The following ADGRA3 variants were observed in gnomAD, a reference collection of about 807,000 sequenced individuals.
ADGRA3 encodes G-protein coupled receptor 125.
In ADGRA3, 56 loss-of-function variants were observed where a neutral mutation model predicts 119.8. That is an observed-to-expected ratio of 0.47 (90% CI 0.38 to 0.58). The LOEUF (loss-of-function observed/expected upper bound fraction) is 0.58, where lower values mean the gene tolerates loss of function less well. Ranked by LOEUF, ADGRA3 falls within the 20% of genes least tolerant of loss-of-function variation. The pLI is 0.00. For missense variants in ADGRA3, 1,516 were observed against 1,649.0 expected, an observed-to-expected ratio of 0.92 and a Z score of 1.40; for synonymous variants, 607 against 623.8, an observed-to-expected ratio of 0.97 and a Z score of 0.40.
chr4:22,437,936 TAACCTGTTTGA>T (rs1454153502), intron 8 of ADGRA3, among the ~76,000 whole-genome samples: 1 of 152,206 alleles, frequency 6.6e-6, no homozygotes, highest in Non-Finnish European at 1.5e-5. Context: ...ATACCTTACT[TAACCTGTTTGA>T]ATTTTGTACT....
At chr4:22,488,428 A>G (rs1718510806) in intron 1 of ADGRA3, among the ~76,000 whole-genome samples, 1 of 151,812 alleles carries the variant, frequency 6.6e-6, no homozygotes, top group Non-Finnish European at 1.5e-5. Flanking sequence ...TGGAGATCTG[A>G]CATCATTTAA....
chr4:22,507,878 T>C (rs960373306), intron 1 of ADGRA3, among the ~76,000 whole-genome samples: 5 of 152,176 alleles, frequency 3.3e-5, no homozygotes, highest in Non-Finnish European at 7.3e-5. Context: ...TGCAGATAGA[T>C]TGAATATACC....
intron 14 of ADGRA3, among the ~76,000 whole-genome samples, chr4:22,404,694 C>T (rs562765747): frequency 2.0e-5 from 3 of 152,272 alleles, no homozygotes; most frequent in East Asian, 3.9e-4. Flanking sequence ...CAGAGAAAAG[C>T]GTGTCAGGAC....
chr4:22,414,905 G>T (rs1446108142), intron 12 of ADGRA3, among the ~76,000 whole-genome samples: 3 of 152,088 alleles, frequency 2.0e-5, no homozygotes, highest in African/African-American at 7.2e-5. Context: ...ACGGAAAGTG[G>T]ATTAGAATGA....
At chr4:22,478,648 A>G (rs1718139108) in intron 1 of ADGRA3, among the ~76,000 whole-genome samples, 1 of 152,284 alleles carries the variant, frequency 6.6e-6, no homozygotes, top group Admixed American at 6.5e-5. Flanking sequence ...GTTTAGAAAA[A>G]AAGTGTTTGT....
intron 1 of ADGRA3, among the ~76,000 whole-genome samples, chr4:22,488,393 A>T (rs1205770391): frequency 6.6e-6 from 1 of 151,770 alleles, no homozygotes. Context: ...GCACCCCCTG[A>T]ATCAACAGAC....
At chr4:22,425,104 C>T (rs1022522338) in intron 10 of ADGRA3, among the ~76,000 whole-genome samples, 2 of 151,176 alleles carry the variant, frequency 1.3e-5, no homozygotes, top group African/African-American at 4.9e-5. Context: ...GGCAGGCAGG[C>T]ATACTACCCA....
intron 4 of ADGRA3, 87 bp from the exon 5 acceptor site, chr4:22,447,598 C>A: frequency 1.3e-6 from 1 of 758,542 alleles, no homozygotes; most frequent in South Asian, 2.1e-5. Flanking sequence ...ATCCTACAGT[C>A]ATTAAATAAT....
At chr4:22,500,945 G>A (rs749730863) in intron 1 of ADGRA3, among the ~76,000 whole-genome samples, 1 of 152,164 alleles carries the variant, frequency 6.6e-6, no homozygotes. Flanking sequence ...CTCTGTGCTA[G>A]AGCTGAGACA....
At chr4:22,512,198 C>T (rs1719473810) in intron 1 of ADGRA3, among the ~76,000 whole-genome samples, 1 of 151,902 alleles carries the variant, frequency 6.6e-6, no homozygotes, top group Admixed American at 6.6e-5. Flanking sequence ...ACTGCGCCCG[C>T]CCCACAGTGA....
intron 1 of ADGRA3, among the ~76,000 whole-genome samples, chr4:22,492,941 T>C (rs888930407): frequency 1.3e-5 from 2 of 152,218 alleles, no homozygotes; most frequent in African/African-American, 4.8e-5. Context: ...ATACTACTGT[T>C]ACCAGCTTTT....
At chr4:22,480,386 CAAT>C (rs1328725802) in intron 1 of ADGRA3, among the ~76,000 whole-genome samples, 1 of 152,020 alleles carries the variant, frequency 6.6e-6, no homozygotes, top group African/African-American at 2.4e-5. Flanking sequence ...TAAATCAGTA[CAAT>C]CAGCTGGGCA....
chr4:22,506,062 A>G (rs556694722), intron 1 of ADGRA3, among the ~76,000 whole-genome samples: 2 of 152,326 alleles, frequency 1.3e-5, no homozygotes, highest in African/African-American at 2.4e-5. Context: ...CCCATACTGT[A>G]TGCAGGAAGG....
chr4:22,388,982 C>G, intron 18 of ADGRA3, 35 bp from the exon 19 acceptor site: 1 of 1,605,786 alleles, frequency 6.2e-7, no homozygotes, highest in African/African-American at 1.3e-5. Flanking sequence ...ATCGATGCTA[C>G]ATGTTTCAAC....
intron 12 of ADGRA3, among the ~76,000 whole-genome samples, chr4:22,415,984 C>T (rs1227527651): frequency 6.6e-6 from 1 of 152,090 alleles, no homozygotes; most frequent in African/African-American, 2.4e-5. Context: ...CTGCAGGTTC[C>T]CTGAGATATA....
At chr4:22,491,428 C>T (rs906062324) in intron 1 of ADGRA3, among the ~76,000 whole-genome samples, 3 of 152,188 alleles carry the variant, frequency 2.0e-5, no homozygotes, top group African/African-American at 7.2e-5. Context: ...GGCAAAGATA[C>T]TCTCGACCAA....
chr4:22,392,971 C>A, intron 16 of ADGRA3: 2 of 268,288 alleles, frequency 7.5e-6, no homozygotes, highest in East Asian at 7.0e-5. Flanking sequence ...GGCTCCCAGA[C>A]ATTAAACCAA....
chr4:22,416,185 AC>A (rs1715423678), intron 12 of ADGRA3, among the ~76,000 whole-genome samples: 1 of 152,194 alleles, frequency 6.6e-6, no homozygotes, highest in Non-Finnish European at 1.5e-5. Flanking sequence ...TCATGAATAT[AC>A]CTTCTTCCAC....
At chr4:22,498,311 G>A (rs1375098280) in intron 1 of ADGRA3, among the ~76,000 whole-genome samples, 1 of 151,778 alleles carries the variant, frequency 6.6e-6, no homozygotes, top group Non-Finnish European at 1.5e-5. Flanking sequence ...GGAACTCAGG[G>A]ACAAAAAAAG....
Sources: gnomAD v4.1 joint callset for allele counts (sites outside exome capture counted in the v4.1 genomes callset) on GRCh38, gnomAD v4.1.1 for gene constraint, MANE v1.5 for transcripts, NCBI Gene and HGNC (gene_info 2026-07-23, HGNC 2026-07-21) for gene names.